The following KCNT1 variants were observed in gnomAD, a reference collection of about 807,000 sequenced individuals.
KCNT1 encodes potassium sodium-activated channel subfamily T member 1, also known as potassium channel subfamily T member 1.
A neutral mutation model predicts 147.8 loss-of-function variants in KCNT1; 78 were observed. The observed-to-expected ratio is 0.53, with a 90% confidence interval of 0.44 to 0.64. KCNT1 has a LOEUF of 0.64. KCNT1 is among the 30% of genes least tolerant of loss of function. The pLI is 0.00. For missense variants in KCNT1, 1,419 were observed against 1,750.3 expected (o/e 0.81, Z 3.38); for synonymous variants, 867 against 748.8 (o/e 1.16, Z -2.58).
chr9:135,705,721 G>A (rs559703379), intron 1 of KCNT1, among the ~76,000 whole-genome samples: 53 of 152,384 alleles, frequency 3.5e-4, no homozygotes, highest in African/African-American at 1.1e-3. Flanking sequence ...GTGAGCCAGC[G>A]GGGCTGGAAC....
At chr9:135,724,761 C>T (rs752055836) in intron 2 of KCNT1, among the ~76,000 whole-genome samples, 6 of 152,244 alleles carry the variant, frequency 3.9e-5, no homozygotes, top group South Asian at 4.1e-4. Context: ...TCCCTAGCTC[C>T]GGCTGGGTCG....
At chr9:135,787,909 C>T (rs1057174604) in intron 29 of KCNT1, among the ~76,000 whole-genome samples, 4 of 152,308 alleles carry the variant, frequency 2.6e-5, no homozygotes, top group Admixed American at 1.3e-4. Flanking sequence ...CCTGCCTCTG[C>T]GACCGCTGCC....
intron 1 of KCNT1, among the ~76,000 whole-genome samples, chr9:135,708,414 T>C (rs1835345495): frequency 6.6e-6 from 1 of 152,262 alleles, no homozygotes; most frequent in African/African-American, 2.4e-5. Context: ...CGTGCTTACA[T>C]GTGCTCATCT....
At chr9:135,784,213 T>C in intron 25 of KCNT1, 88 bp downstream of exon 25, 1 of 1,022,528 alleles carries the variant, frequency 9.8e-7, no homozygotes, top group Middle Eastern at 2.0e-4. Flanking sequence ...CTGTTCTGAA[T>C]GATAGGACTC....
rs1831253203 is a variant in KCNT1 at position 135,752,716 on chromosome 9, T to A, written c.435-1221T>A. 6.8e-6 allele frequency among the ~76,000 whole-genome samples: 1 copy of A among 147,238 alleles called. No individual in the cohort carries two copies. The highest frequency in any genetic ancestry group is 1.5e-5 in the Non-Finnish European group (1 of 66,850). ...GGTGGATAATGGATGGATAGGTGGATGCATGGTGGGTAGATGGATGGATGG... is the reference window on the plus strand; with the variant it reads ...GGTGGATAATGGATGGATAGGTGGAAGCATGGTGGGTAGATGGATGGATGG... On this transcript the variant is annotated intron_variant, in intron 4 of 30. Coordinates refer to ENST00000371757, the MANE Select transcript of KCNT1 (RefSeq NM_020822.3). The surrounding 1 kb of genome is among the most constrained non-coding windows in gnomAD (Gnocchi z 5.1).
intron 2 of KCNT1, among the ~76,000 whole-genome samples, chr9:135,725,255 C>A (rs1405369197): frequency 6.6e-6 from 1 of 152,116 alleles, no homozygotes; most frequent in East Asian, 1.9e-4. Context: ...TTGAACAGGG[C>A]CTTCGAAAGA....
chr9:135,742,757 C>G, intron 2 of KCNT1: 1 of 717,386 alleles, frequency 1.4e-6, no homozygotes, highest in Non-Finnish European at 2.6e-6. Flanking sequence ...GGTTGATGCC[C>G]CTCTGTGTCC....
chr9:135,708,893 G>C (rs930112369), intron 1 of KCNT1, among the ~76,000 whole-genome samples: 2 of 152,182 alleles, frequency 1.3e-5, no homozygotes, highest in Non-Finnish European at 2.9e-5. Flanking sequence ...TTTTATCCAG[G>C]ACTTCCTATG....
chr9:135,765,670 TG>T lies in KCNT1; in HGVS notation c.1248del (p.Arg417AlafsTer62). ...TGCCCCACGGAGATGGATGTCCAGG[TG>T]CGCAGAGTCCTGCAGATCCCTCTGT... ...ILCPTEMDVQ[V>X]RRVLQIPLWS... On this transcript the variant is annotated frameshift_variant, in exon 13 of 31. Transcript: ENST00000371757. LOFTEE classifies it high-confidence loss of function. The T allele has an allele frequency of 1.2e-6, 2 of 1,611,002 alleles. No homozygotes were observed. Among genetic ancestry groups the T allele is most frequent in the Non-Finnish European group, 8.5e-7 (1 of 1,179,152 alleles).
Position 135,714,844 on chromosome 9 carries a change from T to G in KCNT1, c.254+124T>G. 2 of 619,056 alleles carry G rather than the reference T, an allele frequency of 3.2e-6. No individual in the cohort carries two copies. Among genetic ancestry groups the G allele is most frequent in the Non-Finnish European group, 2.1e-6 (1 of 467,552 alleles). 38.3% of individuals were successfully genotyped at this position (619,056 alleles called of 1,614,324 possible). On this transcript the variant is annotated intron_variant, in intron 2 of 30. Coordinates refer to ENST00000371757, the MANE Select transcript of KCNT1 (RefSeq NM_020822.3). The surrounding 1 kb of genome is among the most constrained non-coding windows in gnomAD (Gnocchi z 6.2). Reference sequence around the variant, plus strand: ...CGCAGCCGCCGGCGCCCTTCAACTTTTCCCGGCTTCTGGGGACGCAGAAGT... The same window carrying G: ...CGCAGCCGCCGGCGCCCTTCAACTTGTCCCGGCTTCTGGGGACGCAGAAGT...
At chr9:135,719,296 A>G (rs1198040759) in intron 2 of KCNT1, among the ~76,000 whole-genome samples, 1 of 152,200 alleles carries the variant, frequency 6.6e-6, no homozygotes, top group African/African-American at 2.4e-5. Flanking sequence ...AGCCAGCGGG[A>G]CAGGGGCTGC....
intron 1 of KCNT1, among the ~76,000 whole-genome samples, chr9:135,709,707 G>GTC (rs975026666): frequency 2.0e-4 from 31 of 152,172 alleles, no homozygotes; most frequent in African/African-American, 7.5e-4. Flanking sequence ...TTGAGATGGA[G>GTC]TCTCGCTCTG....
rs548017509 is a variant in KCNT1 at position 135,793,800 on chromosome 9, T to C, written c.*1639T>C. 1 of 152,638 alleles carries C rather than the reference T, an allele frequency of 6.6e-6. No individual in the cohort carries two copies. Among genetic ancestry groups the C allele is most frequent in the Non-Finnish European group, 1.5e-5 (1 of 68,278 alleles). The allele number at this position is 152,638 out of a possible 1,614,324, so 9.5% of individuals were successfully genotyped here. A position where few individuals can be genotyped will look rare whatever the true frequency, so the allele number is the denominator to read the frequency against. ...CATGGGTGGTCAGGGAGAGGCTGTG[T>C]GGATTCAGGGGACCAGAAAGTAAGT... On this transcript the variant is annotated 3_prime_UTR_variant, in exon 31 of 31. Coordinates refer to ENST00000371757, the MANE Select transcript of KCNT1 (RefSeq NM_020822.3).
chr9:135,714,553 A>T lies in KCNT1; in HGVS notation c.111-24A>T. On this transcript the variant is annotated intron_variant, in intron 1 of 30. Coordinates refer to ENST00000371757, the MANE Select transcript of KCNT1 (RefSeq NM_020822.3). The surrounding 1 kb of genome is among the most constrained non-coding windows in gnomAD (Gnocchi z 6.2). ...CCGCGAGGGCGCCCGACGCGGGCTG[A>T]GGGGCGCTGGCGTGTGCCCGCAGGC... 9.0e-7 allele frequency: 1 copy of T among 1,113,570 alleles called. No individual in the cohort carries two copies. Among genetic ancestry groups the T allele is most frequent in the South Asian group, 3.7e-5 (1 of 27,058 alleles). 69.0% of individuals were successfully genotyped at this position (1,113,570 alleles called of 1,614,324 possible).
chr9:135,790,404 C>G (rs986957033), intron 29 of KCNT1: 4 of 152,314 alleles, frequency 2.6e-5, no homozygotes, highest in Admixed American at 1.3e-4. Flanking sequence ...AGCAAAACAG[C>G]TGTGAGGGGC....
intron 29 of KCNT1, chr9:135,790,661 T>C (rs1032655912): frequency 3.9e-5 from 6 of 152,366 alleles, no homozygotes; most frequent in Admixed American, 3.3e-4. Context: ...CTCCCCGACT[T>C]TTCCCTTCTC....
intron 2 of KCNT1, among the ~76,000 whole-genome samples, chr9:135,727,707 T>C (rs1836277112): frequency 2.0e-5 from 3 of 152,190 alleles, no homozygotes; most frequent in African/African-American, 7.2e-5. Context: ...AGCCCCTGGG[T>C]ACTGCTCCTC....
At chr9:135,783,527 G>A (rs956142466) in intron 24 of KCNT1, among the ~76,000 whole-genome samples, 5 of 152,214 alleles carry the variant, frequency 3.3e-5, no homozygotes, top group African/African-American at 1.2e-4. Context: ...TTTGTTACGG[G>A]AGCCCCAGGA....
Position 135,704,973 on chromosome 9 carries a change from G to A in KCNT1, c.110+2605G>A, listed in dbSNP as rs556689864. Among the ~76,000 whole-genome samples, 6 of 152,316 alleles carry A rather than the reference G, an allele frequency of 3.9e-5. No individual in the cohort carries two copies. The South Asian group carries it at 1.2e-3, about 32-fold the overall frequency. ...CAGGAGGACAGAGGTGAGTGAGAAG[G>A]GAGCAGACAGGGTCCCCACGAGGGC... On this transcript the variant is annotated intron_variant, in intron 1 of 30. Coordinates refer to ENST00000371757, the MANE Select transcript of KCNT1 (RefSeq NM_020822.3).
Sources: allele counts gnomAD v4.1 joint callset (sites outside exome capture counted in the v4.1 genomes callset), GRCh38; gene constraint gnomAD v4.1.1; non-coding constraint Gnocchi (gnomAD v3.1); transcripts MANE v1.5; gene names NCBI Gene and HGNC (gene_info 2026-07-23, HGNC 2026-07-21).